GAB2: variants seen among roughly 807,000 people sequenced by gnomAD.
GAB2 encodes the protein GRB2-associated-binding protein 2.
A neutral mutation model predicts 65.5 loss-of-function variants in GAB2; 26 were observed. That is an observed-to-expected ratio of 0.40 (90% CI 0.29 to 0.55). The LOEUF is 0.55. GAB2 is among the 20% of genes least tolerant of loss of function. The probability of loss-of-function intolerance (pLI) is 0.53; values close to 1 mark genes in which losing one functional copy is unlikely to be tolerated. For synonymous variants in GAB2, 321 were observed against 329.6 expected, an observed-to-expected ratio of 0.97 and a Z score of 0.28; for missense variants, 884 against 875.8, an observed-to-expected ratio of 1.01 and a Z score of -0.12.
chr11:78,385,920 T>C (rs565160435), intron 1 of GAB2, among the ~76,000 whole-genome samples: 3 of 152,326 alleles, frequency 2.0e-5, no homozygotes, highest in Admixed American at 6.5e-5. Flanking sequence ...ACAAGACTGA[T>C]ACATAATTAG....
chr11:78,411,508 A>G (rs901626024), intron 1 of GAB2, among the ~76,000 whole-genome samples: 2 of 152,226 alleles, frequency 1.3e-5, no homozygotes, highest in African/African-American at 4.8e-5. Context: ...GGACAGACAC[A>G]TGGAAAAATG....
chr11:78,311,889 G>T (rs1855506323), intron 1 of GAB2, among the ~76,000 whole-genome samples: 1 of 152,142 alleles, frequency 6.6e-6, no homozygotes, highest in Non-Finnish European at 1.5e-5. Flanking sequence ...GAGCCCTGAG[G>T]CCCTGAGATG....
intron 1 of GAB2, among the ~76,000 whole-genome samples, chr11:78,301,111 T>C (rs1466994852): frequency 6.6e-6 from 1 of 152,206 alleles, no homozygotes; most frequent in Non-Finnish European, 1.5e-5. Flanking sequence ...TTCACCATTT[T>C]AGAATTAATT....
At chr11:78,333,474 C>T (rs1417484265) in intron 1 of GAB2, among the ~76,000 whole-genome samples, 1 of 152,192 alleles carries the variant, frequency 6.6e-6, no homozygotes, top group East Asian at 1.9e-4. Flanking sequence ...CACTATGTTA[C>T]CCAGGCTAGT....
At chr11:78,307,604 T>TAGAGAGAGGGAGAGAG (rs1855392290) in intron 1 of GAB2, among the ~76,000 whole-genome samples, 1 of 121,884 alleles carries the variant, frequency 8.2e-6, no homozygotes, top group East Asian at 2.5e-4. Flanking sequence ...CAAAAAATGT[T>TAGAGAGAGGGAGAGAG]AGAGAGAGAG....
rs991193937 is a variant in GAB2, at chr11:78,321,269, G to A, written c.76-40368C>T. On this transcript the variant is annotated intron_variant, in intron 1 of 9. Coordinates refer to ENST00000361507, the MANE Select transcript of GAB2 (RefSeq NM_080491.3). ...GGAAAGAAGGGGAACAGATGTTTCC[G>A]ACATCACTCCTTCCAGGATGCTCTC... Among the ~76,000 whole-genome samples the A allele has an allele frequency of 3.9e-5, 6 of 152,244 alleles. No homozygotes were observed. In the East Asian group the frequency reaches 5.8e-4, roughly 15 times the overall value.
intron 6 of GAB2, among the ~76,000 whole-genome samples, chr11:78,222,862 C>T (rs753843196): frequency 6.6e-6 from 1 of 152,144 alleles, no homozygotes; most frequent in Non-Finnish European, 1.5e-5. Context: ...GGGTTACAGG[C>T]GTACAGGCGT....
intron 1 of GAB2, among the ~76,000 whole-genome samples, chr11:78,364,920 T>C (rs185980003): frequency 3.3e-5 from 5 of 152,290 alleles, no homozygotes; most frequent in Admixed American, 3.3e-4. Flanking sequence ...TATACGTCTA[T>C]ATAGTATTTT....
At chr11:78,272,960 C>T (rs1245381947) in intron 2 of GAB2, among the ~76,000 whole-genome samples, 2 of 152,236 alleles carry the variant, frequency 1.3e-5, no homozygotes, top group East Asian at 3.9e-4. Flanking sequence ...GTGGAAGCCC[C>T]AAGCCTTGGC....
In GAB2 at chr11:78,299,862, T is replaced by G. The variant is rs573996730; in HGVS notation, c.76-18961A>C. On this transcript the variant is annotated intron_variant, in intron 1 of 9. Coordinates refer to ENST00000361507, the MANE Select transcript of GAB2 (RefSeq NM_080491.3). ...CTCTAGGAGCTATTGGAAAGGCTTT[T>G]GTTTAATTTGTAAGAATTCAGTATA... Among the ~76,000 whole-genome samples, 9 of 152,356 alleles carry G rather than the reference T, an allele frequency of 5.9e-5. No homozygotes were observed. In the East Asian group the frequency reaches 1.7e-3, roughly 29 times the overall value.
At chr11:78,411,566 T>C (rs1398833751) in intron 1 of GAB2, among the ~76,000 whole-genome samples, 1 of 152,180 alleles carries the variant, frequency 6.6e-6, no homozygotes, top group Non-Finnish European at 1.5e-5. Context: ...TACGTCCAAC[T>C]GATTTTTGAC....
At chr11:78,237,025 C>A (rs1223170518) in intron 3 of GAB2, among the ~76,000 whole-genome samples, 1 of 151,994 alleles carries the variant, frequency 6.6e-6, no homozygotes, top group Non-Finnish European at 1.5e-5. Flanking sequence ...TCATCTTTGC[C>A]AGATTTTGAT....
intron 1 of GAB2, among the ~76,000 whole-genome samples, chr11:78,397,780 T>C: frequency 6.6e-6 from 1 of 151,980 alleles, no homozygotes; most frequent in East Asian, 1.9e-4. Flanking sequence ...GGGAATACTA[T>C]GTACACTGTA....
At chr11:78,407,943 T>A (rs941365067) in intron 1 of GAB2, among the ~76,000 whole-genome samples, 1 of 151,908 alleles carries the variant, frequency 6.6e-6, no homozygotes, top group Non-Finnish European at 1.5e-5. Flanking sequence ...TAATTCAATA[T>A]CCAGTGAAAA....
Position 78,291,555 on chromosome 11 carries a change from C to CTTTTTTTTTTTTTTTTTTTTT in GAB2, c.76-10655_76-10654insAAAAAAAAAAAAAAAAAAAAA, listed in dbSNP as rs796161663. 7.3e-5 allele frequency among the ~76,000 whole-genome samples: 4 copies of CTTTTTTTTTTTTTTTTTTTTT among 55,058 alleles called. 1 individual carries two copies. Among genetic ancestry groups the CTTTTTTTTTTTTTTTTTTTTT allele is most frequent in the African/African-American group, 2.6e-4 (4 of 15,662 alleles). 36.1% of individuals were successfully genotyped at this position (55,058 alleles called of 152,430 possible). A position where few individuals can be genotyped will look rare whatever the true frequency, so the allele number is the denominator to read the frequency against. ...CCTATCTTGAGAGACTTACTTTTTT[C>CTTTTTTTTTTTTTTTTTTTTT]TTTTTCTTTTTTTTTTTTTTTTTTT... On this transcript the variant is annotated intron_variant, in intron 1 of 9. Coordinates refer to ENST00000361507, the MANE Select transcript of GAB2 (RefSeq NM_080491.3).
chr11:78,409,648 C>A (rs998459444), intron 1 of GAB2, among the ~76,000 whole-genome samples: 7 of 151,952 alleles, frequency 4.6e-5, no homozygotes, highest in African/African-American at 1.7e-4. Context: ...AAATGAGAAA[C>A]AGAAATATTC....
intron 8 of GAB2, among the ~76,000 whole-genome samples, chr11:78,221,136 G>C (rs930628173): frequency 4.6e-5 from 7 of 152,238 alleles, no homozygotes; most frequent in Non-Finnish European, 7.3e-5. Flanking sequence ...ATTCTAATGA[G>C]AAGGTGATAG....
Position 78,217,256 on chromosome 11 carries a change from T to TTG in GAB2, c.*2014_*2015dup, listed in dbSNP as rs1864193974. Reference sequence around the variant, plus strand: ...TCTCATGTCCTTGTCCTTTTTCTGATTGTGGCTATCTTAAGTTCAGGGAGA... The same window carrying TTG: ...TCTCATGTCCTTGTCCTTTTTCTGATTGTGTGGCTATCTTAAGTTCAGGGAGA... On this transcript the variant is annotated 3_prime_UTR_variant, in exon 10 of 10. Coordinates refer to ENST00000361507, the MANE Select transcript of GAB2 (RefSeq NM_080491.3). 6.6e-6 allele frequency: 1 copy of TTG among 152,332 alleles called. No homozygotes were observed. Among genetic ancestry groups the TTG allele is most frequent in the African/African-American group, 2.4e-5 (1 of 41,444 alleles). 9.4% of individuals were successfully genotyped at this position (152,332 alleles called of 1,614,324 possible).
intron 1 of GAB2, among the ~76,000 whole-genome samples, chr11:78,283,669 T>C (rs190330537): frequency 1.6e-4 from 24 of 152,118 alleles, no homozygotes; most frequent in African/African-American, 5.5e-4. Context: ...AATCAACTCA[T>C]GGGCCTTAAC....
Sources: allele counts gnomAD v4.1 joint callset (sites outside exome capture counted in the v4.1 genomes callset), GRCh38; gene constraint gnomAD v4.1.1; transcripts MANE v1.5; gene names NCBI Gene and HGNC (gene_info 2026-07-23, HGNC 2026-07-21).